The following PCBP3 variants were observed in gnomAD, a reference collection of about 807,000 sequenced individuals.
PCBP3 encodes the protein poly(rC)-binding protein 3.
A neutral mutation model predicts 52.7 loss-of-function variants in PCBP3; 25 were observed. The ratio of observed to expected loss-of-function variants is 0.47; its 90% CI spans 0.35 to 0.66. The LOEUF is 0.66. Ranked by LOEUF, PCBP3 falls within the 30% of genes least tolerant of loss-of-function variation. The pLI is 0.01. For missense variants in PCBP3, 391 were observed against 490.3 expected, an observed-to-expected ratio of 0.80 and a Z score of 1.91; for synonymous variants, 162 against 183.0, an observed-to-expected ratio of 0.89 and a Z score of 0.93.
chr21:45,769,137 C>A lies in PCBP3; in HGVS notation c.-126+13685C>A, dbSNP rs142089791. On this transcript the variant is annotated intron_variant, in intron 4 of 17. Transcript: ENST00000681687. ...TCTTTCATTTGTTTCTCCACTGAAT[C>A]CTTGTCTTCTTGCATTCACTGGGCA... Among the ~76,000 whole-genome samples, 1,320 of 152,298 alleles carry A rather than the reference C, an allele frequency of 8.7e-3. 26 individuals carry two copies. The highest frequency in any genetic ancestry group is 0.027 in the Admixed American group (420 of 15,300).
chr21:45,696,520 C>T (rs527326336), intron 2 of PCBP3, among the ~76,000 whole-genome samples: 5 of 152,190 alleles, frequency 3.3e-5, no homozygotes, highest in South Asian at 4.2e-4. Context: ...AGGCTGGGTG[C>T]GGTGGTTCAT....
Position 45,853,960 on chromosome 21 carries a change from A to G in PCBP3, c.10+3865A>G, listed in dbSNP as rs1215409413. 2 of 151,956 alleles carry G rather than the reference A, an allele frequency of 1.3e-5. No homozygotes were observed. The highest frequency in any genetic ancestry group is 2.9e-5 in the Non-Finnish European group (2 of 68,012). The allele number at this position is 151,956 out of a possible 1,614,324, so 9.4% of individuals were successfully genotyped here. On this transcript the variant is annotated intron_variant, in intron 5 of 17. Coordinates refer to ENST00000681687, the MANE Select transcript of PCBP3 (RefSeq NM_001384156.1). This position sits in a 1 kb window ranked among gnomAD's most constrained non-coding sequence, Gnocchi z 4.6. ...CGACGTGTCATAAACTGATATCCGC[A>G]TCTCAGCCTCTGTGCACGAGGCTAG...
At chr21:45,703,386 G>C (rs530378461) in intron 2 of PCBP3, among the ~76,000 whole-genome samples, 1 of 152,336 alleles carries the variant, frequency 6.6e-6, no homozygotes, top group East Asian at 1.9e-4. Context: ...TCCTTGACCC[G>C]TGTCTTGCAG....
chr21:45,755,492 C>T (rs7281669), intron 4 of PCBP3, among the ~76,000 whole-genome samples, 40 bp downstream of exon 4: 46,762 of 152,038 alleles, frequency 0.31, 8,558 homozygotes, highest in East Asian at 0.66. Flanking sequence ...TCCCAAGGAA[C>T]GCATTGTCCC....
chr21:45,655,483 A>G (rs1311711723), intron 1 of PCBP3, among the ~76,000 whole-genome samples: 1 of 152,100 alleles, frequency 6.6e-6, no homozygotes, highest in Non-Finnish European at 1.5e-5. Flanking sequence ...GAAGTAGTAG[A>G]TATTGTGGTA....
chr21:45,688,683 T>C (rs565841596), intron 2 of PCBP3, among the ~76,000 whole-genome samples: 17 of 152,170 alleles, frequency 1.1e-4, no homozygotes, highest in Admixed American at 1.0e-3. Context: ...ATCATTGTAC[T>C]TGAAAAAGGC....
intron 11 of PCBP3, among the ~76,000 whole-genome samples, chr21:45,912,591 G>A (rs984115367): frequency 5.3e-5 from 8 of 152,092 alleles, no homozygotes; most frequent in Admixed American, 2.0e-4. Flanking sequence ...CCCACCCAGG[G>A]CCCAGCACCC....
intron 5 of PCBP3, chr21:45,871,939 A>C (rs543404082): frequency 6.6e-6 from 1 of 152,168 alleles, no homozygotes; most frequent in African/African-American, 2.4e-5. Flanking sequence ...ACTCTCCCGG[A>C]GCAGAGGCCT....
At position 45,774,579 on chromosome 21, in the gene PCBP3, C is replaced by T. The variant is rs952054738; in HGVS notation, c.-126+19127C>T. Among the ~76,000 whole-genome samples the T allele has an allele frequency of 2.6e-5, 4 of 152,010 alleles. No individual in the cohort carries two copies. In the East Asian group the frequency reaches 5.8e-4, roughly 22 times the overall value. ...ATGTTGAATAGGAGTGGTGAAAGTA[C>T]GTATCTTTATCTTCTTCTAATTCTT... On this transcript the variant is annotated intron_variant, in intron 4 of 17. Coordinates refer to ENST00000681687, the MANE Select transcript of PCBP3 (RefSeq NM_001384156.1).
Position 45,724,969 on chromosome 21 carries a change from G to C in PCBP3, c.-199-10423G>C, listed in dbSNP as rs75276191. Among the ~76,000 whole-genome samples the C allele has an allele frequency of 5.8e-3, 889 of 152,288 alleles. 9 individuals are homozygous for C. The highest frequency in any genetic ancestry group is 0.021 in the African/African-American group (858 of 41,550). ...CAGATAATAGCTCAAATAAACTGTT[G>C]TGAGCCGTTAAGTATGGCAGTTTGT... On this transcript the variant is annotated intron_variant, in intron 2 of 17. Transcript: ENST00000681687. This position sits in a 1 kb window ranked among gnomAD's most constrained non-coding sequence, Gnocchi z 5.3.
chr21:45,877,207 C>T (rs1423206409), intron 5 of PCBP3, among the ~76,000 whole-genome samples: 3 of 152,120 alleles, frequency 2.0e-5, no homozygotes, highest in African/African-American at 4.8e-5. Context: ...CTCTGGTGGT[C>T]GGGAACCTAG....
intron 4 of PCBP3, among the ~76,000 whole-genome samples, chr21:45,780,890 G>C (rs560697859): frequency 8.5e-5 from 13 of 152,248 alleles, no homozygotes; most frequent in Middle Eastern, 3.4e-3. Context: ...TTAGTTTGTG[G>C]GTTTAGATCA....
At chr21:45,862,192 G>A (rs1335871266) in intron 5 of PCBP3, among the ~76,000 whole-genome samples, 1 of 142,920 alleles carries the variant, frequency 7.0e-6, no homozygotes, top group African/African-American at 2.6e-5. Context: ...GGGGCGGGTG[G>A]GGGGACACGT....
intron 4 of PCBP3, among the ~76,000 whole-genome samples, chr21:45,779,998 C>T (rs778345266): frequency 1.1e-4 from 17 of 152,104 alleles, no homozygotes; most frequent in African/African-American, 2.2e-4. Flanking sequence ...TCAACAACAG[C>T]GCCCAGGCAA....
At chr21:45,768,332 C>T (rs564419691) in intron 4 of PCBP3, among the ~76,000 whole-genome samples, 2 of 152,330 alleles carry the variant, frequency 1.3e-5, no homozygotes, top group African/African-American at 4.8e-5. Context: ...ACTCTCACGT[C>T]TGTTATATTG....
chr21:45,804,402 T>C (rs866195860), intron 4 of PCBP3, among the ~76,000 whole-genome samples: 9 of 152,322 alleles, frequency 5.9e-5, no homozygotes, highest in Non-Finnish European at 1.0e-4. Flanking sequence ...TGAAAGGCTT[T>C]GAGGTGGTGT....
intron 2 of PCBP3, among the ~76,000 whole-genome samples, chr21:45,676,704 T>G (rs1290385850): frequency 2.0e-5 from 3 of 152,120 alleles, no homozygotes; most frequent in South Asian, 4.1e-4. Flanking sequence ...TTGGGCCAAT[T>G]AATAACCCTT....
At chr21:45,906,090 G>A (rs1221135628) in intron 9 of PCBP3, among the ~76,000 whole-genome samples, 3 of 152,194 alleles carry the variant, frequency 2.0e-5, no homozygotes, top group South Asian at 2.1e-4. Flanking sequence ...GGAGACTTCA[G>A]TGACCCCCAG....
intron 9 of PCBP3, among the ~76,000 whole-genome samples, chr21:45,902,242 C>T (rs549541145): frequency 7.3e-5 from 11 of 151,520 alleles, no homozygotes; most frequent in African/African-American, 2.2e-4. Flanking sequence ...GCCTGGCCTC[C>T]AAGGCTGGAC....
Sources: gnomAD v4.1 joint callset for allele counts (sites outside exome capture counted in the v4.1 genomes callset) on GRCh38, gnomAD v4.1.1 for gene constraint, Gnocchi (gnomAD v3.1) non-coding constraint, MANE v1.5 for transcripts, NCBI Gene and HGNC (gene_info 2026-07-23, HGNC 2026-07-21) for gene names.